The following TECRL variants were observed in gnomAD, a reference collection of about 807,000 sequenced individuals.
TECRL encodes the protein trans-2,3-enoyl-CoA reductase like.
TECRL carries 63 observed loss-of-function variants against 52.8 expected under a neutral mutation model. That is an observed-to-expected ratio of 1.19 (90% CI 0.97 to 1.47). TECRL has a LOEUF of 1.47. TECRL is among the 40% of genes most tolerant of loss of function. The pLI is 0.00. For missense variants in TECRL, 482 were observed against 429.6 expected (o/e 1.12, Z -1.08); for synonymous variants, 164 against 141.9 (o/e 1.16, Z -1.10).
chr4:64,298,888 C>T (rs1723842626), intron 8 of TECRL: 1 of 151,130 alleles, frequency 6.6e-6, no homozygotes, highest in Non-Finnish European at 1.5e-5. Context: ...CTTAATACAA[C>T]AGGGGTTGTA....
At chr4:64,317,889 C>T (rs951241659) in intron 4 of TECRL, among the ~76,000 whole-genome samples, 6 of 151,972 alleles carry the variant, frequency 3.9e-5, no homozygotes, top group African/African-American at 1.4e-4. Flanking sequence ...CTCATATGAG[C>T]CTGATAAGAA....
At chr4:64,307,420 A>G (rs1198209645) in intron 6 of TECRL, among the ~76,000 whole-genome samples, 1 of 152,150 alleles carries the variant, frequency 6.6e-6, no homozygotes, top group East Asian at 1.9e-4. Context: ...TGGAGGTCAC[A>G]CTTGCATCCA....
chr4:64,368,650 G>C (rs1185065660), intron 2 of TECRL, among the ~76,000 whole-genome samples: 2 of 152,058 alleles, frequency 1.3e-5, no homozygotes, highest in African/African-American at 4.8e-5. Flanking sequence ...TACTTTTTGA[G>C]GTAGCAGTAG....
chr4:64,385,895 TC>T (rs1272153953), intron 1 of TECRL, among the ~76,000 whole-genome samples: 1 of 152,156 alleles, frequency 6.6e-6, no homozygotes, highest in African/African-American at 2.4e-5. Flanking sequence ...GCTTACCTTT[TC>T]CCCACACTTG....
chr4:64,392,953 C>T (rs915415375), intron 1 of TECRL, among the ~76,000 whole-genome samples: 1 of 151,934 alleles, frequency 6.6e-6, no homozygotes, highest in African/African-American at 2.4e-5. Context: ...CACCTCATTC[C>T]TAGCATCAAG....
intron 2 of TECRL, among the ~76,000 whole-genome samples, chr4:64,346,574 T>C (rs1249175316): frequency 1.3e-5 from 2 of 152,354 alleles, no homozygotes; most frequent in South Asian, 2.1e-4. Context: ...CCCCTTTTAG[T>C]GATGACTGGA....
chr4:64,409,065 G>A, intron 1 of TECRL, 53 bp downstream of exon 1: 1 of 1,385,854 alleles, frequency 7.2e-7, no homozygotes, highest in Non-Finnish European at 9.8e-7. Flanking sequence ...AATATTTGGG[G>A]CAGAGAAGAA....
chr4:64,401,095 T>G (rs569498868), intron 1 of TECRL, among the ~76,000 whole-genome samples: 131 of 152,310 alleles, frequency 8.6e-4, no homozygotes, highest in African/African-American at 3.1e-3. Flanking sequence ...CTTCTCCGTT[T>G]TATAGAACTG....
chr4:64,401,272 T>C (rs1724342535), intron 1 of TECRL, among the ~76,000 whole-genome samples: 1 of 152,208 alleles, frequency 6.6e-6, no homozygotes, highest in Admixed American at 6.5e-5. Flanking sequence ...ACCATTTTAA[T>C]CTCAGTTTGC....
intron 1 of TECRL, among the ~76,000 whole-genome samples, chr4:64,406,672 T>G (rs2109797669): frequency 6.6e-6 from 1 of 152,150 alleles, no homozygotes; most frequent in East Asian, 1.9e-4. Flanking sequence ...ACCCATATTC[T>G]AAATAAGGGT....
chr4:64,336,312 A>G (rs1490348270), intron 2 of TECRL, among the ~76,000 whole-genome samples: 1 of 152,154 alleles, frequency 6.6e-6, no homozygotes, highest in Non-Finnish European at 1.5e-5. Flanking sequence ...AGGTGTTTAT[A>G]GTATTCTCTG....
At chr4:64,385,290 C>T (rs1307298125) in intron 1 of TECRL, among the ~76,000 whole-genome samples, 1 of 152,144 alleles carries the variant, frequency 6.6e-6, no homozygotes, top group Non-Finnish European at 1.5e-5. Context: ...CCAGGCCTGT[C>T]TTCAGGCCCC....
At chr4:64,312,636 T>TAC (rs1354995126) in intron 5 of TECRL, among the ~76,000 whole-genome samples, 5 of 151,952 alleles carry the variant, frequency 3.3e-5, no homozygotes, top group Non-Finnish European at 5.9e-5. Context: ...TGATGGTGTG[T>TAC]ACACCTATAG....
intron 6 of TECRL, among the ~76,000 whole-genome samples, chr4:64,308,158 A>G (rs912685706): frequency 2.0e-5 from 3 of 152,128 alleles, no homozygotes; most frequent in East Asian, 1.9e-4. Flanking sequence ...GCAGATAGAG[A>G]TAGAAGGTCT....
chr4:64,308,164 G>A (rs1454663107), intron 6 of TECRL, among the ~76,000 whole-genome samples: 1 of 152,096 alleles, frequency 6.6e-6, no homozygotes, highest in Non-Finnish European at 1.5e-5. Context: ...AGAGATAGAA[G>A]GTCTTGCAAG....
chr4:64,277,506 T>G (rs1458366618), downstream of TECRL, among the ~76,000 whole-genome samples: 1 of 151,874 alleles, frequency 6.6e-6, no homozygotes, highest in Non-Finnish European at 1.5e-5. Flanking sequence ...GAAATTTTAA[T>G]AGTATGCTTT....
intron 1 of TECRL, among the ~76,000 whole-genome samples, chr4:64,403,502 C>CACACAT (rs1560564380): frequency 3.3e-5 from 5 of 151,738 alleles, no homozygotes; most frequent in Non-Finnish European, 7.4e-5. Flanking sequence ...CACACACACA[C>CACACAT]ATAGACTTAG....
rs988268846 is a variant in TECRL, at chr4:64,401,666, G to A, written c.234+7452C>T. On this transcript the variant is annotated intron_variant, in intron 1 of 11. Transcript: ENST00000381210. ...GCAAATACATTTCATTATAAGCTTC[G>A]TGTAATCTAAACTATTTGAATAACA... 7.2e-5 allele frequency among the ~76,000 whole-genome samples: 11 copies of A among 152,034 alleles called. No individual in the cohort carries two copies. In the South Asian group the frequency reaches 1.0e-3, roughly 14 times the overall value.
intron 2 of TECRL, among the ~76,000 whole-genome samples, chr4:64,346,343 C>T (rs1486297039): frequency 1.3e-5 from 2 of 152,248 alleles, no homozygotes; most frequent in African/African-American, 2.4e-5. Flanking sequence ...TCCGACCCCA[C>T]ATTTCCCCTC....
Sources: allele counts gnomAD v4.1 joint callset (sites outside exome capture counted in the v4.1 genomes callset), GRCh38; gene constraint gnomAD v4.1.1; transcripts MANE v1.5; gene names NCBI Gene and HGNC (gene_info 2026-07-23, HGNC 2026-07-21).